The following SUB1 variants were observed in gnomAD, a reference collection of about 807,000 sequenced individuals.
The protein encoded by SUB1 is SUB1 regulator of transcription.
In SUB1, 1 loss-of-function variant was observed where a neutral mutation model predicts 16.9. The observed-to-expected ratio is 0.06, with a 90% CI of 0.02 to 0.28. The LOEUF is 0.28. SUB1 is among the 10% of genes least tolerant of loss of function. The pLI is 1.00. For missense variants in SUB1, 84 were observed against 145.2 expected (o/e 0.58, Z 2.16); for synonymous variants, 51 against 46.9 (o/e 1.09, Z -0.36).
chr5:32,595,657 T>G (rs1239012301), intron 3 of SUB1: 1 of 152,218 alleles, frequency 6.6e-6, no homozygotes, highest in Non-Finnish European at 1.5e-5. Flanking sequence ...ATTTTTTCCC[T>G]TTTGGGTAAA....
chr5:32,603,850 A>C lies in SUB1; in HGVS notation c.*2766A>C, dbSNP rs771893034. 1.3e-5 allele frequency: 2 copies of C among 152,088 alleles called. No homozygotes were observed. Among genetic ancestry groups the C allele is most frequent in the Non-Finnish European group, 2.9e-5 (2 of 67,996 alleles). The allele number at this position is 152,088 out of a possible 1,614,324, so 9.4% of individuals were successfully genotyped here. A position where few individuals can be genotyped will look rare whatever the true frequency, so the allele number is the denominator to read the frequency against. On this transcript the variant is annotated 3_prime_UTR_variant, in exon 5 of 5. Transcript: ENST00000265073. ...AGGTATCTCTCCTGAAATTCTTTGC[A>C]GTTCATTTTTTATGGCAGTTAATCC... is the stretch of plus-strand genomic sequence containing the variant.
Position 32,588,555 on chromosome 5 carries a change from A to T in SUB1, c.43A>T (p.Ser15Cys). 1 of 1,613,426 alleles carries T rather than the reference A, an allele frequency of 6.2e-7. No individual in the cohort carries two copies. The highest frequency in any genetic ancestry group is 8.5e-7 in the Non-Finnish European group (1 of 1,179,622). Residue 15 changes from serine to cysteine, a missense_variant, in exon 2 of 5, where the codon AGT becomes TGT. By Grantham distance (112) the Ser-to-Cys change is moderately radical (BLOSUM62 -1). Around this residue, in one of 2 missense-constraint regions of SUB1, gnomAD observed 60 missense variants for 64.9 expected, o/e 0.92. Coordinates refer to ENST00000265073, the MANE Select transcript of SUB1 (RefSeq NM_006713.4). ...KELVSSSSSG[S>C]DSDSEVDKKL... ...ACTTGTTTCTTCAAGCTCTTCTGGC[A>T]GTGATTCTGACAGTGAGGTTGACAA...
At position 32,602,594 on chromosome 5, in the gene SUB1, G is replaced by T. The variant is rs1739142273; in HGVS notation, c.*1510G>T. On this transcript the variant is annotated 3_prime_UTR_variant, in exon 5 of 5. Coordinates refer to ENST00000265073, the MANE Select transcript of SUB1 (RefSeq NM_006713.4). Reference sequence around the variant, plus strand: ...CAAGGACTTAATTTGAAAATCATTTGCCAGGCCACATAGTTATCAATTTTT... The same window carrying T: ...CAAGGACTTAATTTGAAAATCATTTTCCAGGCCACATAGTTATCAATTTTT... 6.2e-6 allele frequency: 1 copy of T among 161,140 alleles called. No homozygotes were observed. Among genetic ancestry groups the T allele is most frequent in the Non-Finnish European group, 1.4e-5 (1 of 73,150 alleles). The allele number at this position is 161,140 out of a possible 1,614,324, so 10.0% of individuals were successfully genotyped here.
At chr5:32,588,733 A>T (rs1019388925) in intron 2 of SUB1, 149 bp downstream of exon 2, 26 of 694,920 alleles carry the variant, frequency 3.7e-5, no homozygotes, top group Non-Finnish European at 5.4e-5. Context: ...CTTCTTTGGG[A>T]GGCCGAGGTG....
intron 3 of SUB1, chr5:32,596,098 TGAGTG>T: frequency 6.6e-6 from 1 of 152,304 alleles, no homozygotes; most frequent in African/African-American, 2.4e-5. Flanking sequence ...AGTTCAAAAA[TGAGTG>T]GAGGTTAACA....
At chr5:32,599,151 A>G in intron 4 of SUB1, 82 bp downstream of exon 4, 1 of 969,554 alleles carries the variant, frequency 1.0e-6, no homozygotes, top group Non-Finnish European at 1.6e-6. Context: ...AAATGTTGGC[A>G]GGACACACGG....
intron 3 of SUB1, chr5:32,596,258 C>T (rs1289644050): frequency 6.6e-6 from 1 of 152,200 alleles, no homozygotes; most frequent in African/African-American, 2.4e-5. Flanking sequence ...TTCTTCACGT[C>T]CACGGTTCTG....
chr5:32,598,730 A>C (rs1739042216), intron 3 of SUB1: 1 of 365,016 alleles, frequency 2.7e-6, no homozygotes. Flanking sequence ...TTGTTCTGTG[A>C]GTTTTTTCAA....
chr5:32,598,875 A>G, intron 3 of SUB1, 86 bp from the exon 4 acceptor site: 2 of 994,790 alleles, frequency 2.0e-6, no homozygotes, highest in Non-Finnish European at 1.6e-6. Flanking sequence ...TAGAGTGAGC[A>G]TGCAGCAAGT....
At chr5:32,586,684 T>G (rs1257085162) in intron 1 of SUB1, among the ~76,000 whole-genome samples, 7 of 152,192 alleles carry the variant, frequency 4.6e-5, no homozygotes, top group Non-Finnish European at 8.8e-5. Context: ...TATGTTCAAT[T>G]TAATTACCTT....
chr5:32,593,622 A>G (rs552299193), intron 3 of SUB1, among the ~76,000 whole-genome samples: 9 of 152,308 alleles, frequency 5.9e-5, no homozygotes, highest in African/African-American at 2.2e-4. Flanking sequence ...TCATCTGGAA[A>G]GATTCCTAAG....
intron 4 of SUB1, among the ~76,000 whole-genome samples, chr5:32,599,298 C>T (rs1034571670): frequency 1.3e-5 from 2 of 152,190 alleles, no homozygotes; most frequent in Non-Finnish European, 2.9e-5. Context: ...CCTAATATCA[C>T]TTCAGTTGGC....
intron 1 of SUB1, 78 bp from the exon 2 acceptor site, chr5:32,588,434 T>G: frequency 1.5e-6 from 2 of 1,303,444 alleles, no homozygotes; most frequent in Non-Finnish European, 1.1e-6. Flanking sequence ...CTTGATTTTT[T>G]TCTTTGATTG....
At chr5:32,597,935 ATTAGT>A (rs1474874521) in intron 3 of SUB1, 8 of 152,214 alleles carry the variant, frequency 5.3e-5, no homozygotes, top group Non-Finnish European at 1.2e-4. Flanking sequence ...TATCAATAAC[ATTAGT>A]TTACGTTGTC....
chr5:32,595,239 C>T (rs1579515275), intron 3 of SUB1: 1 of 151,692 alleles, frequency 6.6e-6, no homozygotes, highest in Non-Finnish European at 1.5e-5. Context: ...CAATAAAACG[C>T]ACACATTTAA....
At chr5:32,591,413 T>C (rs1433085719) in intron 2 of SUB1, 150 bp from the exon 3 acceptor site, 3 of 1,078,058 alleles carry the variant, frequency 2.8e-6, no homozygotes, top group South Asian at 2.1e-5. Context: ...TTCATAGTTT[T>C]GTTGTTGAGT....
Position 32,603,440 on chromosome 5 carries a change from T to C in SUB1, c.*2356T>C, listed in dbSNP as rs1466354260. The C allele has an allele frequency of 1.3e-5, 2 of 152,160 alleles. No individual in the cohort carries two copies. Among genetic ancestry groups the C allele is most frequent in the African/African-American group, 2.4e-5 (1 of 41,440 alleles). The allele number at this position is 152,160 out of a possible 1,614,324, so 9.4% of individuals were successfully genotyped here. A position where few individuals can be genotyped will look rare whatever the true frequency, so the allele number is the denominator to read the frequency against. Reference sequence around the variant, plus strand: ...GTTTTTCCCTTTAACAGACTCTATGTGTATCAGGGCTTTCTAATGGGTTTT... The same window carrying C: ...GTTTTTCCCTTTAACAGACTCTATGCGTATCAGGGCTTTCTAATGGGTTTT... On this transcript the variant is annotated 3_prime_UTR_variant, in exon 5 of 5. Transcript: ENST00000265073.
chr5:32,598,322 G>A (rs2111681797), intron 3 of SUB1: 1 of 152,292 alleles, frequency 6.6e-6, no homozygotes, highest in East Asian at 1.9e-4. Flanking sequence ...AAAGTTTATG[G>A]TATTGCAGTA....
intron 3 of SUB1, 23 bp downstream of exon 3, chr5:32,591,708 T>TG (rs762057558): frequency 9.0e-6 from 14 of 1,556,354 alleles, no homozygotes; most frequent in Non-Finnish European, 1.1e-5. Flanking sequence ...ATTTTTTTTT[T>TG]TTTTTTTTTT....
Sources: gnomAD v4.1 joint callset for allele counts (sites outside exome capture counted in the v4.1 genomes callset) on GRCh38, gnomAD v4.1.1 for gene constraint, gnomAD v4.1.1 regional missense constraint, MANE v1.5 for transcripts, NCBI Gene and HGNC (gene_info 2026-07-23, HGNC 2026-07-21) for gene names.